Variants in SLC36A2 observed in about 807,000 individuals in gnomAD.
SLC36A2 encodes the protein solute carrier family 36 member 2, also known as proton-coupled amino acid transporter 2.
Under a neutral mutation model 42.7 loss-of-function variants are expected in SLC36A2, and 39 were observed. That is an observed-to-expected ratio of 0.91 (90% CI 0.71 to 1.19). The LOEUF is 1.19. SLC36A2 is among the 50% of genes most tolerant of loss of function. SLC36A2 has a pLI of 0.00. For missense variants in SLC36A2, 590 were observed against 613.7 expected (o/e 0.96, Z 0.41); for synonymous variants, 237 against 240.8 (o/e 0.98, Z 0.15).
chr5:151,317,805 T>C (rs1316802054), intron 9 of SLC36A2, among the ~76,000 whole-genome samples: 2 of 152,198 alleles, frequency 1.3e-5, no homozygotes, highest in Non-Finnish European at 2.9e-5. Flanking sequence ...CCCTACCAAC[T>C]TAGGGTCAGT....
rs1050941448 is a variant in SLC36A2 at position 151,316,614 on chromosome 5, C to A, written c.*203G>T. On this transcript the variant is annotated 3_prime_UTR_variant, in exon 10 of 10. Coordinates refer to ENST00000335244, the MANE Select transcript of SLC36A2 (RefSeq NM_181776.3). Reference sequence around the variant, plus strand: ...AATTAGCCAGGCGTGCTGGACTATGCCTCTAATCCCAACTACTCGGGAGGC... The same window carrying A: ...AATTAGCCAGGCGTGCTGGACTATGACTCTAATCCCAACTACTCGGGAGGC... 6.6e-6 allele frequency: 4 copies of A among 608,602 alleles called. No individual in the cohort carries two copies. Among genetic ancestry groups the A allele is most frequent in the African/African-American group, 1.9e-5 (1 of 53,762 alleles). The allele number at this position is 608,602 out of a possible 1,614,324, so 37.7% of individuals were successfully genotyped here.
chr5:151,318,343 A>G (rs1274752093), intron 9 of SLC36A2, among the ~76,000 whole-genome samples: 2 of 151,206 alleles, frequency 1.3e-5, no homozygotes, highest in African/African-American at 4.8e-5. Context: ...TGTTTGTACT[A>G]TCAAAATTTG....
chr5:151,335,273 T>C (rs1481594607), intron 6 of SLC36A2, 56 bp downstream of exon 6: 3 of 1,386,654 alleles, frequency 2.2e-6, no homozygotes, highest in African/African-American at 1.4e-5. Context: ...GCTCAGTCTA[T>C]CCTTGATAAA....
chr5:151,319,180 C>T (rs770172550), intron 9 of SLC36A2: 12 of 952,440 alleles, frequency 1.3e-5, no homozygotes, highest in Non-Finnish European at 1.1e-5. Context: ...GTTATCTTTG[C>T]TATTACTCCA....
chr5:151,332,361 G>A (rs1756022821), intron 7 of SLC36A2: 1 of 454,240 alleles, frequency 2.2e-6, no homozygotes, highest in Admixed American at 2.4e-5. Context: ...CTCCAAAGAA[G>A]ATGTGCAAAT....
At position 151,344,264 on chromosome 5, in the gene SLC36A2, C is replaced by T. The variant is rs1580867144; in HGVS notation, c.168G>A (p.Val56=). The stretch of plus-strand genomic sequence containing the variant: ...TCACCAGGTGAATCAAGGCCTGGAA[C>T]ACTCTAAAGGAGAGGAAGGAGATGT... The part of the protein sequence containing the change: ...AGLKKTKGIT[V]FQALIHLVKG... The change falls in exon 2 of 10, where the codon GTG becomes GTA. Residue 56 remains valine (V), a synonymous_variant. Transcript: ENST00000335244. 9.3e-6 allele frequency: 15 copies of T among 1,613,114 alleles called. No homozygotes were observed. The East Asian group carries it at 3.1e-4, about 34-fold the overall frequency.
chr5:151,322,131 G>A lies in SLC36A2; in HGVS notation c.1095C>T (p.Ile365=). 1 of 1,614,212 alleles carries A rather than the reference G, an allele frequency of 6.2e-7. No individual in the cohort carries two copies. Among genetic ancestry groups the A allele is most frequent in the Non-Finnish European group, 8.5e-7 (1 of 1,180,032 alleles). The stretch of plus-strand genomic sequence containing the variant: ...ACACCCGGGAGATGGCAAAGGGGAT[G>A]ATGATTTCTGCAGGGACGTAGAACT... ...ALQFYVPAEI[I]IPFAISRVST... is the part of the protein sequence containing the mutation. The change falls in exon 9 of 10, where the codon ATC becomes ATT. Residue 365 remains isoleucine (I), a synonymous_variant. Transcript: ENST00000335244.
chr5:151,345,525 C>G (rs936226922), intron 1 of SLC36A2, among the ~76,000 whole-genome samples: 1 of 152,146 alleles, frequency 6.6e-6, no homozygotes, highest in African/African-American at 2.4e-5. Context: ...TACATAGATT[C>G]ATCAAGGGTT....
At chr5:151,326,973 C>T (rs528600032) in intron 7 of SLC36A2, among the ~76,000 whole-genome samples, 5 of 151,896 alleles carry the variant, frequency 3.3e-5, no homozygotes, top group Admixed American at 6.6e-5. Flanking sequence ...CTGCCATGCC[C>T]GGCTGATTTT....
intron 1 of SLC36A2, 86 bp from the exon 2 acceptor site, chr5:151,344,353 G>T: frequency 1.8e-6 from 2 of 1,130,298 alleles, no homozygotes; most frequent in Non-Finnish European, 1.3e-6. Flanking sequence ...GCCAGCACCT[G>T]ATAGGCGGGC....
chr5:151,329,556 C>T (rs1010397977), intron 7 of SLC36A2, among the ~76,000 whole-genome samples: 14 of 151,936 alleles, frequency 9.2e-5, no homozygotes, highest in Non-Finnish European at 1.5e-4. Flanking sequence ...TAAGGGAGAA[C>T]GCTATTAAAA....
chr5:151,330,106 T>C (rs1755957914), intron 7 of SLC36A2, among the ~76,000 whole-genome samples: 1 of 152,140 alleles, frequency 6.6e-6, no homozygotes, highest in African/African-American at 2.4e-5. Context: ...ATTCAGGTTA[T>C]TGGGATCTCC....
rs776159222 is a variant in SLC36A2 at position 151,335,381 on chromosome 5, G to T, written c.692C>A (p.Ala231Asp). 9 of 1,614,040 alleles carry T rather than the reference G, an allele frequency of 5.6e-6. No homozygotes were observed. Among genetic ancestry groups the T allele is most frequent in the Non-Finnish European group, 6.8e-6 (8 of 1,179,982 alleles). Residue 231 changes from alanine (A) to aspartate (D), a missense_variant, in exon 6 of 10, where the codon GCC (alanine) becomes GAC (aspartate). Coordinates refer to ENST00000335244, the MANE Select transcript of SLC36A2 (RefSeq NM_181776.3). ...CAAGCTGACCAGCATGCTGATGTTGGCCAGCATGGAGAAGATGGTCAAGAT... is the reference window on the plus strand; with the variant it reads ...CAAGCTGACCAGCATGCTGATGTTGTCCAGCATGGAGAAGATGGTCAAGAT... The part of the protein sequence containing the change: ...LRILTIFSML[A>D]NISMLVSLVI...
At position 151,317,062 on chromosome 5, in the gene SLC36A2, G is replaced by T; in HGVS notation, c.1207C>A (p.Leu403Met). Reference protein sequence around the residue: ...TCLLAILIPRLDLVISLVGSV... With the variant: ...TCLLAILIPRMDLVISLVGSV... ...CCCACCAGGGAGATGACCAGGTCCA[G>T]GCGGGGGATGAGGATGGCCAGGAGG... The change falls in exon 10 of 10, where the codon CTG (leucine) becomes ATG (methionine). Residue 403 changes from leucine to methionine, a missense_variant. Leu to Met is a conservative substitution (Grantham distance 15). Transcript: ENST00000335244. 2 of 1,614,174 alleles carry T rather than the reference G, an allele frequency of 1.2e-6. No homozygotes were observed. The highest frequency in any genetic ancestry group is 1.7e-6 in the Non-Finnish European group (2 of 1,180,032).
chr5:151,321,970 A>T, intron 9 of SLC36A2, 76 bp downstream of exon 9: 1 of 1,588,316 alleles, frequency 6.3e-7, no homozygotes, highest in Non-Finnish European at 8.6e-7. Flanking sequence ...AAGCCAATGC[A>T]TCCGGCCCAT....
chr5:151,333,897 C>A (rs1358810727), intron 6 of SLC36A2, among the ~76,000 whole-genome samples: 2 of 152,106 alleles, frequency 1.3e-5, no homozygotes, highest in Non-Finnish European at 2.9e-5. Flanking sequence ...TTAGCACTGA[C>A]CCAACGAGCC....
At chr5:151,318,841 T>G (rs1236771487) in intron 9 of SLC36A2, among the ~76,000 whole-genome samples, 1 of 152,050 alleles carries the variant, frequency 6.6e-6, no homozygotes. Context: ...GCTAAAAATT[T>G]TGAAATTATA....
At chr5:151,322,973 C>T (rs1383795528) in intron 8 of SLC36A2, among the ~76,000 whole-genome samples, 2 of 152,146 alleles carry the variant, frequency 1.3e-5, no homozygotes, top group African/African-American at 2.4e-5. Context: ...CAGTGGCTCA[C>T]GCCTATAATC....
intron 4 of SLC36A2, among the ~76,000 whole-genome samples, chr5:151,342,442 C>G (rs78741115): frequency 6.6e-6 from 1 of 152,132 alleles, no homozygotes; most frequent in Non-Finnish European, 1.5e-5. Context: ...CTCCTCTCCC[C>G]CAAGCCAACA....
Sources: allele counts gnomAD v4.1 joint callset (sites outside exome capture counted in the v4.1 genomes callset), GRCh38; gene constraint gnomAD v4.1.1; transcripts MANE v1.5; gene names NCBI Gene and HGNC (gene_info 2026-07-23, HGNC 2026-07-21).